The following TAFA2 variants were observed in gnomAD, a reference collection of about 807,000 sequenced individuals.
TAFA2 encodes TAFA chemokine like family member 2.
Under a neutral mutation model 18.8 loss-of-function variants are expected in TAFA2, and 7 were observed. That is an observed-to-expected ratio of 0.37 (90% CI 0.21 to 0.70). The LOEUF is 0.70. TAFA2 is among the 30% of genes least tolerant of loss of function. The pLI, the probability that TAFA2 is intolerant of heterozygous loss-of-function variation, is 0.53. For missense variants in TAFA2, 122 were observed against 158.1 expected (o/e 0.77, Z 1.23); for synonymous variants, 60 against 54.2 (o/e 1.11, Z -0.47).
chr12:62,149,495 T>G (rs1006795395), intron 1 of TAFA2, among the ~76,000 whole-genome samples: 5 of 151,288 alleles, frequency 3.3e-5, no homozygotes, highest in African/African-American at 1.2e-4. Context: ...AGATTTTATA[T>G]GAAAATACAG....
At chr12:62,215,759 A>G (rs2062732774) in intron 1 of TAFA2, among the ~76,000 whole-genome samples, 1 of 151,328 alleles carries the variant, frequency 6.6e-6, no homozygotes, top group African/African-American at 2.4e-5. Context: ...AAAAAAAAAA[A>G]AAAAGAGATA....
At chr12:62,193,121 A>G (rs1452930963), upstream of TAFA2, among the ~76,000 whole-genome samples, 2 of 152,180 alleles carry the variant, frequency 1.3e-5, no homozygotes, top group Non-Finnish European at 2.9e-5. Context: ...CGCTGTGCAT[A>G]TGAGCTCAAA....
intron 1 of TAFA2, among the ~76,000 whole-genome samples, chr12:61,958,244 T>C (rs1878765220): frequency 6.6e-6 from 1 of 152,152 alleles, no homozygotes; most frequent in Admixed American, 6.6e-5. Flanking sequence ...GCTCTAACAT[T>C]TGCTTTTTAA....
At chr12:61,734,421 G>A (rs1051029458) in intron 4 of TAFA2, among the ~76,000 whole-genome samples, 6 of 150,176 alleles carry the variant, frequency 4.0e-5, no homozygotes, top group African/African-American at 7.3e-5. Flanking sequence ...ACTAAATGAC[G>A]AGTTAATGGG....
At chr12:61,978,339 T>C (rs1311433665) in intron 1 of TAFA2, among the ~76,000 whole-genome samples, 1 of 152,114 alleles carries the variant, frequency 6.6e-6, no homozygotes, top group African/African-American at 2.4e-5. Context: ...GATATTCTTA[T>C]CAGACTTCAT....
chr12:61,780,375 C>A (rs1252193696), intron 2 of TAFA2, among the ~76,000 whole-genome samples: 1 of 151,744 alleles, frequency 6.6e-6, no homozygotes, highest in Non-Finnish European at 1.5e-5. Flanking sequence ...GGCAGGTGAC[C>A]AAGAAGACCT....
chr12:61,958,205 A>G (rs1032233951), intron 1 of TAFA2, among the ~76,000 whole-genome samples: 1 of 152,144 alleles, frequency 6.6e-6, no homozygotes, highest in African/African-American at 2.4e-5. Flanking sequence ...ATAATACCTC[A>G]TAACAATCCC....
intron 2 of TAFA2, chr12:61,776,322 T>C: frequency 5.6e-6 from 1 of 178,040 alleles, no homozygotes; most frequent in Non-Finnish European, 1.2e-5. Flanking sequence ...ACCATCCTGC[T>C]CCATCTGGAG....
At chr12:61,724,396 C>T (rs1870042997) in intron 4 of TAFA2, among the ~76,000 whole-genome samples, 1 of 151,330 alleles carries the variant, frequency 6.6e-6, no homozygotes, top group South Asian at 2.1e-4. Context: ...TTCCTTCCTT[C>T]CATTTCAATA....
chr12:61,993,988 CACA>C (rs1325626743), intron 1 of TAFA2, among the ~76,000 whole-genome samples: 2 of 152,110 alleles, frequency 1.3e-5, no homozygotes, highest in Non-Finnish European at 2.9e-5. Flanking sequence ...GAAAACCTCT[CACA>C]ACCAGATCCT....
intron 1 of TAFA2, among the ~76,000 whole-genome samples, chr12:62,021,074 A>G (rs1337075421): frequency 6.6e-6 from 1 of 152,188 alleles, no homozygotes; most frequent in Admixed American, 6.5e-5. Context: ...AACACTTACT[A>G]AAACAGAAAA....
upstream of TAFA2, among the ~76,000 whole-genome samples, chr12:62,195,175 G>A (rs912788848): frequency 2.6e-5 from 4 of 152,204 alleles, no homozygotes; most frequent in African/African-American, 9.6e-5. Context: ...ATGCAATGCT[G>A]CTTGATAGCA....
intron 4 of TAFA2, among the ~76,000 whole-genome samples, chr12:61,741,166 G>C (rs12310261): frequency 6.6e-6 from 1 of 151,780 alleles, no homozygotes; most frequent in Non-Finnish European, 1.5e-5. Flanking sequence ...TTATTCGCTC[G>C]TGGGAATCTT....
At chr12:61,984,328 A>T (rs760103781) in intron 1 of TAFA2, among the ~76,000 whole-genome samples, 2 of 152,238 alleles carry the variant, frequency 1.3e-5, no homozygotes, top group Non-Finnish European at 2.9e-5. Context: ...TCATGCAAGG[A>T]TACAGATGAG....
intron 1 of TAFA2, among the ~76,000 whole-genome samples, chr12:62,076,797 A>G (rs1868250941): frequency 6.6e-6 from 1 of 152,210 alleles, no homozygotes; most frequent in Admixed American, 6.5e-5. Flanking sequence ...TTATCACGCA[A>G]ATATCTTCAT....
At chr12:61,940,432 A>C (rs1379072973) in intron 1 of TAFA2, among the ~76,000 whole-genome samples, 1 of 152,238 alleles carries the variant, frequency 6.6e-6, no homozygotes, top group African/African-American at 2.4e-5. Context: ...GACATTACAC[A>C]TTTCGGCACT....
At chr12:61,983,422 GTTTT>G (rs1879708186) in intron 1 of TAFA2, among the ~76,000 whole-genome samples, 3 of 151,714 alleles carry the variant, frequency 2.0e-5, no homozygotes, top group Admixed American at 6.6e-5. Context: ...GTTTTGTTTT[GTTTT>G]GGGACAGAGT....
intron 1 of TAFA2, among the ~76,000 whole-genome samples, chr12:61,975,513 T>TTGTGTGTGTG (rs1267246135): frequency 4.6e-4 from 7 of 15,300 alleles, no homozygotes; most frequent in African/African-American, 1.0e-3. Flanking sequence ...TCAATAATAT[T>TTGTGTGTGTG]CGTGTGTGTG....
intron 4 of TAFA2, among the ~76,000 whole-genome samples, chr12:61,732,220 A>G (rs1202100470): frequency 1.3e-5 from 2 of 152,108 alleles, no homozygotes; most frequent in Non-Finnish European, 2.9e-5. Flanking sequence ...AGGTAACAGC[A>G]TCTGCAGAAT....
Sources: allele counts gnomAD v4.1 joint callset (sites outside exome capture counted in the v4.1 genomes callset), GRCh38; gene constraint gnomAD v4.1.1; transcripts MANE v1.5; gene names NCBI Gene and HGNC (gene_info 2026-07-23, HGNC 2026-07-21).